Variants in TBL1X observed in about 807,000 individuals in gnomAD.
TBL1X encodes the protein transducin beta like 1 X-linked.
In TBL1X, 10 loss-of-function variants were observed where a neutral mutation model predicts 50.7. The observed-to-expected ratio is 0.20, with a 90% confidence interval of 0.12 to 0.33. The LOEUF (loss-of-function observed/expected upper bound fraction) is 0.33. Among genes scored for constraint, TBL1X ranks in the 10% least tolerant of loss-of-function variants. The probability of loss-of-function intolerance (pLI) is 1.00; values close to 1 mark genes in which losing one functional copy is unlikely to be tolerated. For synonymous variants in TBL1X, 190 were observed against 214.7 expected (o/e 0.88, Z 1.01); for missense variants, 340 against 504.4 (o/e 0.67, Z 3.12).
At chrX:9,654,398 A>G (rs2082853974) in intron 5 of TBL1X, 76 bp downstream of exon 5, 2 of 1,011,795 alleles carry the variant, frequency 2.0e-6, no homozygotes, top group Non-Finnish European at 2.7e-6. Flanking sequence ...CGCTTAATTC[A>G]AAACCAGGCT....
intron 2 of TBL1X, among the ~76,000 whole-genome samples, chrX:9,507,670 C>A (rs778248145): frequency 1.3e-3 from 151 of 112,155 alleles, no homozygotes; most frequent in African/African-American, 4.7e-3. Flanking sequence ...CTGGAGGCAT[C>A]ATGCTACCTG....
chrX:9,703,111 G>A (rs2083184917), intron 12 of TBL1X, among the ~76,000 whole-genome samples: 2 of 111,297 alleles, frequency 1.8e-5, no homozygotes, highest in African/African-American at 3.3e-5. Flanking sequence ...CCTTTTGATA[G>A]TCAGGGTTCC....
intron 2 of TBL1X, among the ~76,000 whole-genome samples, chrX:9,578,746 A>G (rs1056722416): frequency 3.6e-5 from 4 of 111,745 alleles, no homozygotes; most frequent in African/African-American, 1.3e-4. Flanking sequence ...TTATCATCCT[A>G]AGGAAGCCCG....
chrX:9,667,551 A>G lies in TBL1X; in HGVS notation c.211+13229A>G, dbSNP rs148965514. Among the ~76,000 whole-genome samples the G allele has an allele frequency of 1.4e-3, 152 of 112,385 alleles. 2 individuals carry two copies. In the East Asian group the frequency reaches 0.029, roughly 21 times the overall value. On this transcript the variant is annotated intron_variant, in intron 5 of 17. Coordinates refer to ENST00000645353, the MANE Select transcript of TBL1X (RefSeq NM_005647.4). ...GGTCAAACGAATTAAGATTATATAGATTTGTTTATAAGGTTTTATTAAGAA... is the reference window on the plus strand; with the variant it reads ...GGTCAAACGAATTAAGATTATATAGGTTTGTTTATAAGGTTTTATTAAGAA...
At chrX:9,524,674 G>C (rs965699181) in intron 2 of TBL1X, among the ~76,000 whole-genome samples, 3 of 112,471 alleles carry the variant, frequency 2.7e-5, no homozygotes, top group Non-Finnish European at 5.6e-5. Flanking sequence ...GAATAATGCT[G>C]CTACAAACTT....
intron 1 of TBL1X, among the ~76,000 whole-genome samples, chrX:9,494,944 C>T (rs924758032): frequency 1.8e-5 from 2 of 111,908 alleles, no homozygotes; most frequent in African/African-American, 3.3e-5. Flanking sequence ...GCCTTGGATA[C>T]TAACATTTTT....
At chrX:9,671,753 T>A (rs2082961614) in intron 5 of TBL1X, among the ~76,000 whole-genome samples, 1 of 109,368 alleles carries the variant, frequency 9.1e-6, no homozygotes, top group African/African-American at 3.3e-5. Flanking sequence ...ACATGGGAGG[T>A]TATGAAGGGG....
At chrX:9,538,421 C>G (rs1308647928) in intron 2 of TBL1X, among the ~76,000 whole-genome samples, 1 of 111,894 alleles carries the variant, frequency 8.9e-6, no homozygotes, top group Non-Finnish European at 1.9e-5. Flanking sequence ...AGGGCACCGA[C>G]TGGGAAATTA....
chrX:9,520,223 A>T (rs1177382318), intron 2 of TBL1X, among the ~76,000 whole-genome samples: 1 of 112,310 alleles, frequency 8.9e-6, no homozygotes, highest in African/African-American at 3.2e-5. Flanking sequence ...GGCAAATCCC[A>T]CTTACACTGC....
chrX:9,683,999 C>T (rs2083041238), intron 5 of TBL1X, 44 bp from the exon 6 acceptor site: 1 of 1,211,007 alleles, frequency 8.3e-7, no homozygotes. Flanking sequence ...CTCCCTCCTT[C>T]AATTCGGGTC....
intron 2 of TBL1X, among the ~76,000 whole-genome samples, chrX:9,546,358 C>T (rs947270187): frequency 9.0e-6 from 1 of 111,426 alleles, no homozygotes; most frequent in East Asian, 2.8e-4. Context: ...ACTAAAAGTA[C>T]AAAAAATTAG....
intron 2 of TBL1X, among the ~76,000 whole-genome samples, chrX:9,588,441 A>G (rs2082482539): frequency 8.9e-6 from 1 of 111,764 alleles, no homozygotes; most frequent in Non-Finnish European, 1.9e-5. Flanking sequence ...AATGAATGCA[A>G]GAAATTCCAT....
chrX:9,487,924 C>T (rs766375951), intron 1 of TBL1X, among the ~76,000 whole-genome samples: 3 of 111,435 alleles, frequency 2.7e-5, no homozygotes, highest in Admixed American at 1.9e-4. Context: ...TTTTCTACGG[C>T]GTCCCCAAAG....
intron 2 of TBL1X, among the ~76,000 whole-genome samples, chrX:9,577,080 A>G (rs777541176): frequency 3.6e-5 from 4 of 111,798 alleles, no homozygotes; most frequent in African/African-American, 1.3e-4. Context: ...GGCCTCAATG[A>G]TGAAATGTGC....
chrX:9,540,135 C>T (rs2082207626), intron 2 of TBL1X, among the ~76,000 whole-genome samples: 1 of 112,482 alleles, frequency 8.9e-6, no homozygotes, highest in South Asian at 3.7e-4. Flanking sequence ...AACTAATCAT[C>T]ATCACTGTCA....
At position 9,600,472 on chromosome X, in the gene TBL1X, G is replaced by C. The variant is rs978526908; in HGVS notation, c.-130-39801G>C. Among the ~76,000 whole-genome samples the C allele has an allele frequency of 7.3e-5, 6 of 81,950 alleles. 1 individual carries two copies. The highest frequency in any genetic ancestry group is 1.4e-4 in the Non-Finnish European group (6 of 43,340). 71.2% of individuals were successfully genotyped at this position (81,950 alleles called of 115,157 possible). On this transcript the variant is annotated intron_variant, in intron 2 of 17. Transcript: ENST00000645353. ...TTCAACATAGGAATTTGGTGGGCGGGGGGGGGGGTACACAAATGTCCGGAC... is the reference window on the plus strand; with the variant it reads ...TTCAACATAGGAATTTGGTGGGCGGCGGGGGGGGTACACAAATGTCCGGAC...
rs2083283447 is a variant in TBL1X at position 9,717,079 on chromosome X, T to C, written c.*833T>C. 9.2e-6 allele frequency: 1 copy of C among 109,239 alleles called. No individual in the cohort carries two copies. The highest frequency in any genetic ancestry group is 1.9e-5 in the Non-Finnish European group (1 of 52,570). 9.0% of individuals were successfully genotyped at this position (109,239 alleles called of 1,213,427 possible). A position where few individuals can be genotyped will look rare whatever the true frequency, so the allele number is the denominator to read the frequency against. ...CGCGCTCGCTTTCTCACTGGCGTGC[T>C]CTCTTTCTCTCTCTCTCTCCCTCTG... On this transcript the variant is annotated 3_prime_UTR_variant, in exon 18 of 18. Transcript: ENST00000645353.
At chrX:9,541,188 G>GGT (rs1013088532) in intron 2 of TBL1X, among the ~76,000 whole-genome samples, 16 of 111,272 alleles carry the variant, frequency 1.4e-4, no homozygotes, top group Non-Finnish European at 2.8e-4. Flanking sequence ...AAAGCCATAT[G>GGT]GTACAATCCT....
At chrX:9,620,922 A>G (rs1341212290) in intron 2 of TBL1X, among the ~76,000 whole-genome samples, 1 of 112,002 alleles carries the variant, frequency 8.9e-6, no homozygotes, top group African/African-American at 3.3e-5. Flanking sequence ...AGCGGAGCCA[A>G]GAAGGGGAGA....
Sources: gnomAD v4.1 joint callset for allele counts (sites outside exome capture counted in the v4.1 genomes callset) on GRCh38, gnomAD v4.1.1 for gene constraint, MANE v1.5 for transcripts, NCBI Gene and HGNC (gene_info 2026-07-23, HGNC 2026-07-21) for gene names.